RANBP17: variants seen among roughly 807,000 people sequenced by gnomAD.
The protein encoded by RANBP17 is RAN binding protein 17.
In RANBP17, 158 loss-of-function variants were observed where a neutral mutation model predicts 141.2. The observed-to-expected ratio is 1.12, with a 90% CI of 0.98 to 1.28. The LOEUF (loss-of-function observed/expected upper bound fraction) is 1.28, where lower values mean the gene tolerates loss of function less well. Among genes scored for constraint, RANBP17 ranks in the 50% most tolerant of loss-of-function variants. RANBP17 has a pLI of 0.00. For synonymous variants in RANBP17, 430 were observed against 450.0 expected (o/e 0.96, Z 0.56); for missense variants, 1,438 against 1,290.7 (o/e 1.11, Z -1.75).
chr5:171,186,210 C>G (rs1329047302), intron 18 of RANBP17, among the ~76,000 whole-genome samples: 1 of 152,158 alleles, frequency 6.6e-6, no homozygotes, highest in African/African-American at 2.4e-5. Context: ...CTATGAAAGT[C>G]CTAGATGGCA....
At chr5:171,242,165 T>G (rs1668113641) in intron 23 of RANBP17, among the ~76,000 whole-genome samples, 1 of 152,154 alleles carries the variant, frequency 6.6e-6, no homozygotes, top group Admixed American at 6.6e-5. Flanking sequence ...GATACTGGTT[T>G]GGATTGCATT....
intron 14 of RANBP17, among the ~76,000 whole-genome samples, chr5:171,137,060 A>G (rs1038494863): frequency 4.6e-5 from 7 of 152,116 alleles, no homozygotes; most frequent in African/African-American, 1.7e-4. Context: ...ATAAAGTTCT[A>G]TTTTTGACAT....
intron 14 of RANBP17, among the ~76,000 whole-genome samples, chr5:171,166,069 CATT>C (rs956305755): frequency 5.3e-5 from 8 of 152,142 alleles, no homozygotes; most frequent in African/African-American, 1.9e-4. Context: ...ATTTAAGAAA[CATT>C]ATTGAGTAGT....
chr5:170,940,217 C>T (rs571579020), intron 12 of RANBP17, among the ~76,000 whole-genome samples: 8 of 151,970 alleles, frequency 5.3e-5, no homozygotes, highest in Non-Finnish European at 1.2e-4. Flanking sequence ...CAAATATGAA[C>T]GTATAGGAGG....
At chr5:170,952,463 C>T (rs1051333438) in intron 12 of RANBP17, among the ~76,000 whole-genome samples, 1 of 151,748 alleles carries the variant, frequency 6.6e-6, no homozygotes, top group Non-Finnish European at 1.5e-5. Flanking sequence ...ATCTTGTCAC[C>T]CTAATAGGTT....
intron 3 of RANBP17, among the ~76,000 whole-genome samples, chr5:170,891,230 A>G (rs536600135): frequency 2.3e-4 from 35 of 152,368 alleles, no homozygotes; most frequent in African/African-American, 8.4e-4. Flanking sequence ...AAAGGTTAGT[A>G]GAGTTTTACA....
intron 9 of RANBP17, among the ~76,000 whole-genome samples, chr5:170,917,343 C>T (rs1270522498): frequency 6.6e-6 from 1 of 152,110 alleles, no homozygotes; most frequent in African/African-American, 2.4e-5. Context: ...AAAATTTTTT[C>T]TGCATTAACT....
chr5:171,203,016 C>G (rs1431623040), intron 19 of RANBP17, among the ~76,000 whole-genome samples: 1 of 152,090 alleles, frequency 6.6e-6, no homozygotes, highest in Non-Finnish European at 1.5e-5. Context: ...ACACAGACAA[C>G]TGTTCACCAT....
intron 5 of RANBP17, among the ~76,000 whole-genome samples, chr5:170,907,097 G>A (rs1771128911): frequency 6.6e-6 from 1 of 151,864 alleles, no homozygotes; most frequent in African/African-American, 2.4e-5. Context: ...ATAAATTCAT[G>A]TAGTATCCAT....
intron 14 of RANBP17, among the ~76,000 whole-genome samples, chr5:171,064,270 C>T (rs925532339): frequency 2.0e-5 from 3 of 152,208 alleles, no homozygotes; most frequent in Non-Finnish European, 2.9e-5. Flanking sequence ...ACGCTGGGAG[C>T]TGTAGATGGG....
intron 24 of RANBP17, among the ~76,000 whole-genome samples, chr5:171,245,567 GC>G: frequency 6.6e-6 from 1 of 152,278 alleles, no homozygotes; most frequent in African/African-American, 2.4e-5. Context: ...TCTTGCCTCA[GC>G]CTCCCAAAGT....
intron 5 of RANBP17, chr5:170,903,931 A>G (rs1770867546): frequency 1.9e-6 from 1 of 525,858 alleles, no homozygotes; most frequent in Non-Finnish European, 3.8e-6. Flanking sequence ...CAGCTTCATT[A>G]TCTTGTATCA....
chr5:171,001,977 G>A lies in RANBP17; in HGVS notation c.1710+33600G>A, dbSNP rs536263454. 2.2e-3 allele frequency among the ~76,000 whole-genome samples: 337 copies of A among 152,166 alleles called. 1 individual carries two copies. The highest frequency in any genetic ancestry group is 6.7e-3 in the African/African-American group (280 of 41,522). On this transcript the variant is annotated intron_variant, in intron 14 of 27. Coordinates refer to ENST00000523189, the MANE Select transcript of RANBP17 (RefSeq NM_022897.5). ...CCATGTGAGTAAAGTCAATTTGCTG[G>A]TCCTGGGCAGGGGCAAATCCCCGAG...
chr5:171,094,486 AATG>A (rs757419266), intron 14 of RANBP17, among the ~76,000 whole-genome samples: 3 of 152,172 alleles, frequency 2.0e-5, no homozygotes, highest in African/African-American at 7.2e-5. Flanking sequence ...ATTTTTATAT[AATG>A]ATCTGTGTAT....
intron 22 of RANBP17, among the ~76,000 whole-genome samples, chr5:171,222,221 T>C (rs1029623775): frequency 5.9e-5 from 9 of 152,226 alleles, no homozygotes; most frequent in African/African-American, 2.2e-4. Flanking sequence ...GAAAATATCC[T>C]TGTAAAGAGC....
At chr5:171,094,365 T>G (rs1786524924) in intron 14 of RANBP17, among the ~76,000 whole-genome samples, 1 of 152,094 alleles carries the variant, frequency 6.6e-6, no homozygotes, top group Non-Finnish European at 1.5e-5. Flanking sequence ...ATACTATTTG[T>G]GTTGCAAAGT....
intron 24 of RANBP17, among the ~76,000 whole-genome samples, chr5:171,245,534 G>A (rs572016554): frequency 3.3e-4 from 50 of 152,076 alleles, no homozygotes; most frequent in African/African-American, 1.1e-3. Flanking sequence ...GGCTGGTCTC[G>A]AACTCCCGAC....
Position 171,295,917 on chromosome 5 carries a change from A to G in RANBP17, c.3073A>G (p.Asn1025Asp). Residue 1025 changes from asparagine to aspartate, a missense_variant, in exon 27 of 28, where the codon AAC becomes GAC. Transcript: ENST00000523189. Reference sequence around the variant, plus strand: ...CAGTGAACTGAGAGCAAGTTTGATAAACAGCCAGCCCCTCCCCAAGCAGGA... The same window carrying G: ...CAGTGAACTGAGAGCAAGTTTGATAGACAGCCAGCCCCTCCCCAAGCAGGA... ...YFSELRASLI[N>D]SQPLPKQEVL... The G allele has an allele frequency of 6.2e-7, 1 of 1,613,622 alleles. No homozygotes were observed. Among genetic ancestry groups the G allele is most frequent in the South Asian group, 1.1e-5 (1 of 91,058 alleles).
intron 26 of RANBP17, 104 bp downstream of exon 26, chr5:171,294,085 T>A (rs1234293089): frequency 7.0e-6 from 6 of 862,590 alleles, no homozygotes; most frequent in East Asian, 4.9e-5. Flanking sequence ...GCAGAGCCAA[T>A]TGAATTTGAA....
Sources: allele counts gnomAD v4.1 joint callset (sites outside exome capture counted in the v4.1 genomes callset), GRCh38; gene constraint gnomAD v4.1.1; transcripts MANE v1.5; gene names NCBI Gene and HGNC (gene_info 2026-07-23, HGNC 2026-07-21).